FGF3: variants seen among roughly 807,000 people sequenced by gnomAD.
FGF3 encodes the protein FGF-3.
In FGF3, 7 loss-of-function variants were observed where a neutral mutation model predicts 9.8. That is an observed-to-expected ratio of 0.72 (90% CI 0.41 to 1.35). The LOEUF is 1.35. Among genes scored for constraint, FGF3 ranks in the 40% most tolerant of loss-of-function variants. FGF3 has a pLI of 0.01. For missense variants in FGF3, 390 were observed against 345.6 expected, an observed-to-expected ratio of 1.13 and a Z score of -1.02; for synonymous variants, 173 against 157.2, an observed-to-expected ratio of 1.10 and a Z score of -0.75.
intron 2 of FGF3, among the ~76,000 whole-genome samples, chr11:69,814,651 G>A (rs1856098224): frequency 6.6e-6 from 1 of 152,154 alleles, no homozygotes; most frequent in Non-Finnish European, 1.5e-5. Flanking sequence ...CAGGTGGCAG[G>A]TGGCAGGTGA....
Position 69,818,955 on chromosome 11 carries a change from C to T in FGF3, c.-22G>A. ...CCATCGTGGCATCGCGCCCGCCCCG[C>T]GGCGGCGGCGGCTGCAGGCGAGCGC... On this transcript the variant is annotated 5_prime_UTR_variant, in exon 1 of 3. Transcript: ENST00000334134. The T allele has an allele frequency of 7.7e-7, 1 of 1,302,430 alleles. No homozygotes were observed. The highest frequency in any genetic ancestry group is 1.0e-6 in the Non-Finnish European group (1 of 991,980). The allele number at this position is 1,302,430 out of a possible 1,614,324, so 80.7% of individuals were successfully genotyped here. A position where few individuals can be genotyped will look rare whatever the true frequency, so the allele number is the denominator to read the frequency against.
chr11:69,815,187 G>A (rs1830838580), intron 2 of FGF3, among the ~76,000 whole-genome samples: 1 of 149,778 alleles, frequency 6.7e-6, no homozygotes, highest in African/African-American at 2.5e-5. Flanking sequence ...GGGTGGATGG[G>A]TGGATGGATG....
Position 69,819,295 on chromosome 11 carries a change from C to T in FGF3, c.-362G>A, listed in dbSNP as rs1324830862. On this transcript the variant is annotated 5_prime_UTR_variant, in exon 1 of 3. Coordinates refer to ENST00000334134, the MANE Select transcript of FGF3 (RefSeq NM_005247.4). Reference sequence around the variant, plus strand: ...GGGCGGGAGGCCGGCGGGTGGGGAGCCCCGCGGGGCTCGGGGTTCGGGCCG... The same window carrying T: ...GGGCGGGAGGCCGGCGGGTGGGGAGTCCCGCGGGGCTCGGGGTTCGGGCCG... Among the ~76,000 whole-genome samples the T allele has an allele frequency of 6.6e-6, 1 of 151,314 alleles. No homozygotes were observed. Among genetic ancestry groups the T allele is most frequent in the Non-Finnish European group, 1.5e-5 (1 of 67,618 alleles).
chr11:69,810,708 G>A lies in FGF3; in HGVS notation c.325-8C>T. 1 of 1,569,128 alleles carries A rather than the reference G, an allele frequency of 6.4e-7. No homozygotes were observed. Among genetic ancestry groups the A allele is most frequent in the Non-Finnish European group, 8.7e-7 (1 of 1,154,002 alleles). On this transcript the variant is annotated splice_polypyrimidine_tract_variant and splice_region_variant and intron_variant, in intron 2 of 2. Coordinates refer to ENST00000334134, the MANE Select transcript of FGF3 (RefSeq NM_005247.4). ...CTCGGCGCTGTAGTGCTCCTGCGGGGATGAGATATCATGGTCAGTGCCCCG... is the reference window on the plus strand; with the variant it reads ...CTCGGCGCTGTAGTGCTCCTGCGGGAATGAGATATCATGGTCAGTGCCCCG...
Position 69,810,374 on chromosome 11 carries a change from C to T in FGF3, c.651G>A (p.Pro217=), listed in dbSNP as rs782301421. 4.4e-5 allele frequency: 69 copies of T among 1,562,816 alleles called. No individual in the cohort carries two copies. The highest frequency in any genetic ancestry group is 2.2e-4 in the South Asian group (19 of 85,662). Residue 217 remains proline, a synonymous_variant, in exon 3 of 3, where the codon CCG becomes CCA. Transcript: ENST00000334134. ...QPRRRRQKQS[P]DNLEPSHVQA... is the part of the protein sequence containing the mutation. ...GAACGTGAGAGGGCTCCAGGTTATCCGGGCTCTGCTTCTGCCGCCGCCGTC... is the reference window on the plus strand; with the variant it reads ...GAACGTGAGAGGGCTCCAGGTTATCTGGGCTCTGCTTCTGCCGCCGCCGTC...
intron 2 of FGF3, among the ~76,000 whole-genome samples, chr11:69,813,823 G>GCT (rs1856078040): frequency 1.5e-5 from 2 of 132,900 alleles, no homozygotes; most frequent in Non-Finnish European, 3.4e-5. Context: ...TGGGTGGATG[G>GCT]GTGGATGGGT....
chr11:69,815,743 G>A (rs1170439935), intron 2 of FGF3, among the ~76,000 whole-genome samples: 3 of 152,174 alleles, frequency 2.0e-5, no homozygotes, highest in Non-Finnish European at 4.4e-5. Context: ...AGAGTAAGGA[G>A]ACCCTTTTTG....
intron 1 of FGF3, chr11:69,817,443 G>C (rs535262945): frequency 5.2e-5 from 8 of 152,422 alleles, no homozygotes; most frequent in African/African-American, 9.6e-5. Flanking sequence ...GGACAGGGGC[G>C]GCTGCGGGCG....
At chr11:69,817,132 A>T (rs529094287) in intron 1 of FGF3, among the ~76,000 whole-genome samples, 80 of 151,916 alleles carry the variant, frequency 5.3e-4, no homozygotes, top group African/African-American at 1.7e-3. Flanking sequence ...CCTTCTGGAT[A>T]CACGAGTGCT....
intron 2 of FGF3, among the ~76,000 whole-genome samples, chr11:69,813,145 C>G (rs782088563): frequency 1.3e-5 from 2 of 152,182 alleles, no homozygotes; most frequent in Non-Finnish European, 2.9e-5. Flanking sequence ...AGGAAGCCGA[C>G]TCCGAAGCTG....
chr11:69,810,750 G>A (rs782010967), intron 2 of FGF3, 50 bp from the exon 3 acceptor site: 29 of 1,479,076 alleles, frequency 2.0e-5, no homozygotes, highest in South Asian at 1.4e-5. Context: ...CTGTGGCAGC[G>A]TCAGGGCCCA....
chr11:69,816,524 G>T, intron 1 of FGF3, 101 bp from the exon 2 acceptor site: 1 of 862,978 alleles, frequency 1.2e-6, no homozygotes, highest in Non-Finnish European at 1.9e-6. Context: ...CTCAGGGCTG[G>T]GGAGGGTAGC....
chr11:69,810,509 T>A lies in FGF3; in HGVS notation c.516A>T (p.Thr172=). Residue 172 remains threonine, a synonymous_variant, in exon 3 of 3, where the codon ACA becomes ACT. Coordinates refer to ENST00000334134, the MANE Select transcript of FGF3 (RefSeq NM_005247.4). ...GGGGCAGGAACAGGGAGGACTTCTG[T>A]GTGCGGCGGGTCTTGAAGCCCCTGC... ...RPRRGFKTRR[T]QKSSLFLPRV... 1.2e-6 allele frequency: 2 copies of A among 1,611,172 alleles called. No individual in the cohort carries two copies. Among genetic ancestry groups the A allele is most frequent in the Non-Finnish European group, 1.7e-6 (2 of 1,179,060 alleles).
Position 69,818,948 on chromosome 11 carries a change from C to G in FGF3, c.-15G>C, listed in dbSNP as rs1554981470. The G allele has an allele frequency of 6.9e-7, 1 of 1,450,492 alleles. No homozygotes were observed. The highest frequency in any genetic ancestry group is 1.3e-5 in the South Asian group (1 of 75,538). The allele number at this position is 1,450,492 out of a possible 1,614,324, so 89.9% of individuals were successfully genotyped here. ...ATTAGGCCCATCGTGGCATCGCGCCCGCCCCGCGGCGGCGGCGGCTGCAGG... is the reference window on the plus strand; with the variant it reads ...ATTAGGCCCATCGTGGCATCGCGCCGGCCCCGCGGCGGCGGCGGCTGCAGG... On this transcript the variant is annotated 5_prime_UTR_variant, in exon 1 of 3. Coordinates refer to ENST00000334134, the MANE Select transcript of FGF3 (RefSeq NM_005247.4).
chr11:69,813,808 G>GGATGGA lies in FGF3; in HGVS notation c.324+2511_324+2512insTCCATC, dbSNP rs1565115016. On this transcript the variant is annotated intron_variant, in intron 2 of 2. Transcript: ENST00000334134. ...GATGGATGGATGGATGGATGGATGG[G>GGATGGA]TGGATGGGTGGATGGGTGGATGGGT... is the stretch of plus-strand genomic sequence containing the variant. 6.9e-4 allele frequency among the ~76,000 whole-genome samples: 17 copies of GGATGGA among 24,476 alleles called. 1 individual carries two copies. The highest frequency in any genetic ancestry group is 3.4e-3 in the South Asian group (2 of 594). The allele number at this position is 24,476 out of a possible 152,430, so 16.1% of individuals were successfully genotyped here.
intron 2 of FGF3, among the ~76,000 whole-genome samples, chr11:69,812,152 G>A (rs1856039762): frequency 6.6e-6 from 1 of 152,184 alleles, no homozygotes; most frequent in Non-Finnish European, 1.5e-5. Context: ...GCAGACAGCA[G>A]GATCTCTCTT....
chr11:69,817,502 T>C (rs1268109405), intron 1 of FGF3: 1 of 152,226 alleles, frequency 6.6e-6, no homozygotes, highest in East Asian at 1.9e-4. Flanking sequence ...GTTTGGATGC[T>C]GTGCGACTCC....
chr11:69,815,773 A>G (rs1273973172), intron 2 of FGF3, among the ~76,000 whole-genome samples: 2 of 152,156 alleles, frequency 1.3e-5, no homozygotes, highest in Non-Finnish European at 2.9e-5. Context: ...AGGCCCAGGC[A>G]GTAGATAGAC....
chr11:69,818,682 T>A (rs1565117018), intron 1 of FGF3, 32 bp downstream of exon 1: 2 of 1,432,700 alleles, frequency 1.4e-6, no homozygotes, highest in Non-Finnish European at 1.8e-6. Context: ...CGGCGCCGCT[T>A]CCCCCGGGGC....
Sources: gnomAD v4.1 joint callset for allele counts (sites outside exome capture counted in the v4.1 genomes callset) on GRCh38, gnomAD v4.1.1 for gene constraint, MANE v1.5 for transcripts, NCBI Gene and HGNC (gene_info 2026-07-23, HGNC 2026-07-21) for gene names.